Variants in CALCOCO2 observed in about 807,000 individuals in gnomAD.
CALCOCO2 encodes calcium-binding and coiled-coil domain-containing protein 2.
A neutral mutation model predicts 62.5 loss-of-function variants in CALCOCO2; 42 were observed. The ratio of observed to expected loss-of-function variants is 0.67; its 90% CI spans 0.53 to 0.87. The LOEUF (loss-of-function observed/expected upper bound fraction) is 0.87, where lower values mean the gene tolerates loss of function less well. Ranked by LOEUF, CALCOCO2 falls within the 40% of genes least tolerant of loss-of-function variation. The probability of loss-of-function intolerance (pLI) is 0.00; values close to 1 mark genes in which losing one functional copy is unlikely to be tolerated. For missense variants in CALCOCO2, 456 were observed against 515.0 expected (o/e 0.89, Z 1.11); for synonymous variants, 167 against 173.0 (o/e 0.97, Z 0.27).
rs1262532062 is a variant in CALCOCO2 at position 48,860,459 on chromosome 17, C to T, written c.1144+10C>T. On this transcript the variant is annotated intron_variant, in intron 11 of 12. Transcript: ENST00000258947. Reference sequence around the variant, plus strand: ...GGAAACCCATATTCTGGTAAGACAACTTTCCCATTCCAACTGGAAGGACCC... The same window carrying T: ...GGAAACCCATATTCTGGTAAGACAATTTTCCCATTCCAACTGGAAGGACCC... The T allele has an allele frequency of 1.9e-6, 3 of 1,612,456 alleles. No homozygotes were observed. The highest frequency in any genetic ancestry group is 1.3e-5 in the African/African-American group (1 of 75,010).
At chr17:48,847,993 A>G in intron 2 of CALCOCO2, 71 bp from the exon 3 acceptor site, 4 of 818,066 alleles carry the variant, frequency 4.9e-6, no homozygotes, top group Non-Finnish European at 8.3e-6. Flanking sequence ...TGATTTTAAG[A>G]AGATGTAGCC....
At chr17:48,858,000 A>G (rs143545011) in intron 10 of CALCOCO2, among the ~76,000 whole-genome samples, 811 of 22,252 alleles carry the variant, frequency 0.036, 19 homozygotes, top group Non-Finnish European at 0.055. Context: ...AATAGAATAG[A>G]ATAGAATAGA....
chr17:48,857,230 T>C (rs1368279810), intron 10 of CALCOCO2, among the ~76,000 whole-genome samples: 7 of 147,096 alleles, frequency 4.8e-5, no homozygotes, highest in African/African-American at 1.8e-4. Context: ...GGAGTTTCAC[T>C]CTTCTTGCCT....
intron 11 of CALCOCO2, 118 bp downstream of exon 11, chr17:48,860,567 G>A: frequency 1.2e-6 from 1 of 803,494 alleles, no homozygotes; most frequent in South Asian, 1.7e-5. Context: ...TTGCTGGGCA[G>A]AAGCTGAGGA....
At chr17:48,856,451 C>T in intron 10 of CALCOCO2, 10 of 468,788 alleles carry the variant, frequency 2.1e-5, no homozygotes, top group Admixed American at 1.6e-4. Context: ...CTTATTTTTG[C>T]TTTTAACTTC....
At chr17:48,839,986 T>C (rs1567750267) in intron 1 of CALCOCO2, among the ~76,000 whole-genome samples, 1 of 151,562 alleles carries the variant, frequency 6.6e-6, no homozygotes, top group Non-Finnish European at 1.5e-5. Flanking sequence ...TTTTTGCTTG[T>C]TTGTTTTAAT....
At chr17:48,846,037 A>G in intron 2 of CALCOCO2, 1 of 1,452,220 alleles carries the variant, frequency 6.9e-7, no homozygotes, top group Non-Finnish European at 9.3e-7. Context: ...CTTTCAGTGT[A>G]GTCTTAATCA....
chr17:48,843,429 AT>A (rs2040002593), intron 2 of CALCOCO2, among the ~76,000 whole-genome samples: 1 of 152,190 alleles, frequency 6.6e-6, no homozygotes, highest in Non-Finnish European at 1.5e-5. Context: ...TGCCAGTGCT[AT>A]TCATCCTGAA....
intron 1 of CALCOCO2, among the ~76,000 whole-genome samples, chr17:48,840,024 C>T (rs1216799103): frequency 6.6e-6 from 1 of 152,042 alleles, no homozygotes; most frequent in Non-Finnish European, 1.5e-5. Context: ...ATTGCCCAGG[C>T]TGGACTTGAA....
chr17:48,836,758 C>CTTTTTTTTT (rs762035927), intron 1 of CALCOCO2, among the ~76,000 whole-genome samples: 1 of 122,358 alleles, frequency 8.2e-6, no homozygotes. Context: ...GGAAGTCACT[C>CTTTTTTTTT]TTTTTTTTTT....
In CALCOCO2 at chr17:48,860,458, A is replaced by C; in HGVS notation, c.1144+9A>C. On this transcript the variant is annotated intron_variant, in intron 11 of 12. Coordinates refer to ENST00000258947, the MANE Select transcript of CALCOCO2 (RefSeq NM_005831.5). Reference sequence around the variant, plus strand: ...TGGAAACCCATATTCTGGTAAGACAACTTTCCCATTCCAACTGGAAGGACC... The same window carrying C: ...TGGAAACCCATATTCTGGTAAGACACCTTTCCCATTCCAACTGGAAGGACC... 6.2e-7 allele frequency: 1 copy of C among 1,612,774 alleles called. No homozygotes were observed.
intron 1 of CALCOCO2, among the ~76,000 whole-genome samples, chr17:48,838,125 A>G (rs2039920270): frequency 2.6e-5 from 4 of 151,878 alleles, no homozygotes; most frequent in Admixed American, 2.0e-4. Flanking sequence ...GTCCCTTTTA[A>G]GGGCTAACAA....
chr17:48,860,028 A>C (rs2040305530), intron 10 of CALCOCO2, among the ~76,000 whole-genome samples: 1 of 152,210 alleles, frequency 6.6e-6, no homozygotes, highest in African/African-American at 2.4e-5. Flanking sequence ...TGGGAGACGG[A>C]GGTTGCAGTG....
Position 48,862,850 on chromosome 17 carries a change from A to G in CALCOCO2, c.1186A>G (p.Lys396Glu). The G allele has an allele frequency of 6.2e-7, 1 of 1,614,094 alleles. No individual in the cohort carries two copies. Among genetic ancestry groups the G allele is most frequent in the Non-Finnish European group, 8.5e-7 (1 of 1,179,956 alleles). ...CTCTTCCTCCCAGCTCTCCATCAAG[A>G]AATGCCCTATCTGCAAAGCAGATGA... is the stretch of plus-strand genomic sequence containing the variant. The part of the protein sequence containing the change: ...SSSPSPLSIK[K>E]CPICKADDIC... The change falls in exon 13 of 13, where the codon AAA becomes GAA. Residue 396 changes from lysine (K) to glutamate (E), a missense_variant. Physicochemically the swap from Lys to Glu is moderately conservative, Grantham distance 56. This residue lies in a region of CALCOCO2 where 172 missense variants were observed against 210.3 expected (regional missense o/e 0.82). Transcript: ENST00000258947.
At position 48,862,690 on chromosome 17, in the gene CALCOCO2, A is replaced by G. The variant is rs117035650; in HGVS notation, c.1174-148A>G. 393 of 667,358 alleles carry G rather than the reference A, an allele frequency of 5.9e-4. 3 individuals carry two copies. The East Asian group carries it at 9.7e-3, about 17-fold the overall frequency. The allele number at this position is 667,358 out of a possible 1,614,324, so 41.3% of individuals were successfully genotyped here. On this transcript the variant is annotated intron_variant, in intron 12 of 12. Transcript: ENST00000258947. ...GCCTGGTAAGCATCTTCAAATGTGC[A>G]TTCTCTTCATTCATTCACTATTTCT...
chr17:48,862,821 T>C lies in CALCOCO2; in HGVS notation c.1174-17T>C. ...TATAGCTTACATTTGTACTGACCTC[T>C]TTGCTCTTCCTCCCAGCTCTCCATC... On this transcript the variant is annotated splice_polypyrimidine_tract_variant and intron_variant, in intron 12 of 12. Coordinates refer to ENST00000258947, the MANE Select transcript of CALCOCO2 (RefSeq NM_005831.5). The C allele has an allele frequency of 6.2e-7, 1 of 1,612,512 alleles. No homozygotes were observed.
At chr17:48,832,481 T>C (rs2039828864) in intron 1 of CALCOCO2, among the ~76,000 whole-genome samples, 1 of 152,244 alleles carries the variant, frequency 6.6e-6, no homozygotes, top group African/African-American at 2.4e-5. Flanking sequence ...AAAAGAGAGT[T>C]AAATGAACTC....
At chr17:48,837,492 A>G (rs964394530) in intron 1 of CALCOCO2, among the ~76,000 whole-genome samples, 15 of 152,008 alleles carry the variant, frequency 9.9e-5, no homozygotes, top group African/African-American at 3.6e-4. Flanking sequence ...TAAAAATACA[A>G]AAAATTAGCT....
rs1457523686 is a variant in CALCOCO2 at position 48,833,714 on chromosome 17, GTC to G, written c.-11+2638_-11+2639del. Among the ~76,000 whole-genome samples, 6 of 152,224 alleles carry G rather than the reference GTC, an allele frequency of 3.9e-5. No individual in the cohort carries two copies. The South Asian group carries it at 8.3e-4, about 21-fold the overall frequency. On this transcript the variant is annotated intron_variant, in intron 1 of 12. Coordinates refer to ENST00000258947, the MANE Select transcript of CALCOCO2 (RefSeq NM_005831.5). ...ATTTCCTTCTGTGAACTAATCTGTA[GTC>G]TTCATTTCTCTTGAAATATATGCCC...
Sources: allele counts gnomAD v4.1 joint callset (sites outside exome capture counted in the v4.1 genomes callset), GRCh38; gene constraint gnomAD v4.1.1; regional missense constraint gnomAD v4.1.1; transcripts MANE v1.5; gene names NCBI Gene and HGNC (gene_info 2026-07-23, HGNC 2026-07-21).